RELN: variants seen among roughly 807,000 people sequenced by gnomAD.
RELN encodes reelin.
In RELN, 108 loss-of-function variants were observed where a neutral mutation model predicts 427.6. That is an observed-to-expected ratio of 0.25 (90% confidence interval 0.22 to 0.30). The LOEUF is 0.30. Among genes scored for constraint, RELN ranks in the 10% least tolerant of loss-of-function variants. The probability of loss-of-function intolerance (pLI) is 1.00; values close to 1 mark genes in which losing one functional copy is unlikely to be tolerated. For synonymous variants in RELN, 1,524 were observed against 1,513.4 expected (o/e 1.01, Z -0.16); for missense variants, 3,715 against 4,302.8 (o/e 0.86, Z 3.82).
intron 45 of RELN, among the ~76,000 whole-genome samples, chr7:103,536,178 G>T (rs1171246706): frequency 6.6e-6 from 1 of 152,082 alleles, no homozygotes; most frequent in African/African-American, 2.4e-5. Flanking sequence ...ATAAAATATG[G>T]AAATCCAAGG....
chr7:103,907,309 G>A (rs71558660), intron 2 of RELN, among the ~76,000 whole-genome samples: 5 of 140,752 alleles, frequency 3.6e-5, no homozygotes, highest in Admixed American at 2.9e-4. Flanking sequence ...CCAGCTTCTC[G>A]GGAGGCTGAG....
chr7:103,527,482 T>C (rs1334932676), intron 46 of RELN, among the ~76,000 whole-genome samples: 2 of 152,150 alleles, frequency 1.3e-5, no homozygotes, highest in Admixed American at 1.3e-4. Context: ...CTTTCAAAAC[T>C]CCACTGCAAC....
intron 28 of RELN, among the ~76,000 whole-genome samples, chr7:103,586,171 GA>G (rs1831265642): frequency 6.6e-6 from 1 of 151,940 alleles, no homozygotes; most frequent in African/African-American, 2.4e-5. Flanking sequence ...AGACCAACCT[GA>G]ACAACATGGT....
At chr7:103,896,193 G>T (rs903220735) in intron 2 of RELN, among the ~76,000 whole-genome samples, 1 of 152,050 alleles carries the variant, frequency 6.6e-6, no homozygotes, top group Non-Finnish European at 1.5e-5. Flanking sequence ...TGCTGAAGAC[G>T]CAGAGCAATT....
At chr7:103,839,968 G>C (rs1014509044) in intron 2 of RELN, among the ~76,000 whole-genome samples, 1 of 152,148 alleles carries the variant, frequency 6.6e-6, no homozygotes, top group Admixed American at 6.5e-5. Context: ...GTGATCGTGA[G>C]TTCTCACGAG....
chr7:103,907,794 T>G (rs1411996668), intron 2 of RELN, among the ~76,000 whole-genome samples: 1 of 150,294 alleles, frequency 6.7e-6, no homozygotes, highest in Non-Finnish European at 1.5e-5. Flanking sequence ...AAAAAACTTA[T>G]TTTTTTTTAA....
rs141166073 is a variant in RELN, at chr7:103,806,935, C to T, written c.473+26602G>A. 2.0e-3 allele frequency among the ~76,000 whole-genome samples: 308 copies of T among 152,158 alleles called. 1 individual carries two copies. Among genetic ancestry groups the T allele is most frequent in the African/African-American group, 7.0e-3 (290 of 41,486 alleles). ...TACAGGCTCCATGCAAGCACTGGAACTAGGAAGAGGAATAACATACCCCTT... is the reference window on the plus strand; with the variant it reads ...TACAGGCTCCATGCAAGCACTGGAATTAGGAAGAGGAATAACATACCCCTT... On this transcript the variant is annotated intron_variant, in intron 3 of 64. Coordinates refer to ENST00000428762, the MANE Select transcript of RELN (RefSeq NM_005045.4).
At chr7:103,803,775 GA>G (rs1328957913) in intron 3 of RELN, among the ~76,000 whole-genome samples, 1 of 152,006 alleles carries the variant, frequency 6.6e-6, no homozygotes, top group African/African-American at 2.4e-5. Flanking sequence ...ACATTTCCAG[GA>G]TAACAGCAAC....
At position 103,553,581 on chromosome 7, in the gene RELN, A is replaced by C. The variant is rs1268957902; in HGVS notation, c.5970-18T>G. On this transcript the variant is annotated intron_variant, in intron 39 of 64. Coordinates refer to ENST00000428762, the MANE Select transcript of RELN (RefSeq NM_005045.4). ...CTTCTTCACTGTTACACAGGAAAAC[A>C]ACCAGGAATCCATTTAGGCAAAAGT... 1.2e-6 allele frequency: 2 copies of C among 1,613,630 alleles called. No individual in the cohort carries two copies. The highest frequency in any genetic ancestry group is 1.3e-5 in the African/African-American group (1 of 75,058).
At chr7:103,518,505 G>GTTTTTTTTTTTTTTTTTTTTTTTTTT (rs58239018) in intron 49 of RELN, among the ~76,000 whole-genome samples, 7 of 114,402 alleles carry the variant, frequency 6.1e-5, no homozygotes, top group East Asian at 2.9e-4. Flanking sequence ...GGTAATTTAA[G>GTTTTTTTTTTTTTTTTTTTTTTTTTT]TTTTTTTTTT....
chr7:103,652,821 TC>T, intron 13 of RELN, 62 bp from the exon 14 acceptor site: 2 of 1,499,200 alleles, frequency 1.3e-6, no homozygotes, highest in Non-Finnish European at 1.9e-6. Context: ...ATGTAAATTC[TC>T]CTAGATTTGA....
chr7:103,897,566 T>G (rs1337487297), intron 2 of RELN, among the ~76,000 whole-genome samples: 1 of 151,968 alleles, frequency 6.6e-6, no homozygotes, highest in Non-Finnish European at 1.5e-5. Context: ...AAGAAGAGAG[T>G]TGTTTATATA....
chr7:103,760,078 C>T (rs1791260951), intron 4 of RELN, among the ~76,000 whole-genome samples: 1 of 136,404 alleles, frequency 7.3e-6, no homozygotes, highest in African/African-American at 2.8e-5. Context: ...TCACTGAATG[C>T]CTGTCATACA....
chr7:103,539,353 A>C (rs746953146), intron 44 of RELN, 26 bp from the exon 45 acceptor site: 5 of 1,609,482 alleles, frequency 3.1e-6, no homozygotes, highest in Non-Finnish European at 4.3e-6. Context: ...AAAAAATCCC[A>C]AATTTTCCAT....
rs1210513203 is a variant in RELN at position 103,486,192 on chromosome 7, G to T, written c.9983+5C>A. The stretch of plus-strand genomic sequence containing the variant: ...GTCTGGACTAAAATATGGAGGTTTG[G>T]GTACCTTGCTCGAGTGAGATCCAGA... On this transcript the variant is annotated splice_donor_5th_base_variant and intron_variant, in intron 61 of 64. Coordinates refer to ENST00000428762, the MANE Select transcript of RELN (RefSeq NM_005045.4). 3.7e-6 allele frequency: 6 copies of T among 1,612,514 alleles called. No homozygotes were observed. The highest frequency in any genetic ancestry group is 5.1e-6 in the Non-Finnish European group (6 of 1,179,678).
At chr7:103,567,609 C>G (rs362805) in intron 31 of RELN, among the ~76,000 whole-genome samples, 37,726 of 151,792 alleles carry the variant, frequency 0.25, 5,505 homozygotes, top group South Asian at 0.39. Context: ...GCCTTTATAC[C>G]CGCTTCTTTG....
At chr7:103,817,330 A>G (rs1792898296) in intron 3 of RELN, among the ~76,000 whole-genome samples, 5 of 152,206 alleles carry the variant, frequency 3.3e-5, no homozygotes. Context: ...TAGGTGATTT[A>G]TAAATCCATT....
At chr7:103,739,317 G>A (rs1364153766) in intron 6 of RELN, among the ~76,000 whole-genome samples, 2 of 152,156 alleles carry the variant, frequency 1.3e-5, no homozygotes, top group Non-Finnish European at 2.9e-5. Flanking sequence ...AATAAAATAC[G>A]ACGTATTTGT....
intron 64 of RELN, among the ~76,000 whole-genome samples, chr7:103,474,898 T>A (rs1471245255): frequency 1.3e-5 from 2 of 152,146 alleles, no homozygotes; most frequent in Non-Finnish European, 2.9e-5. Context: ...ATGTATACCT[T>A]CCTACACATA....
Sources: gnomAD v4.1 joint callset for allele counts (sites outside exome capture counted in the v4.1 genomes callset) on GRCh38, gnomAD v4.1.1 for gene constraint, MANE v1.5 for transcripts, NCBI Gene and HGNC (gene_info 2026-07-23, HGNC 2026-07-21) for gene names.